Variants in CDH4 observed in about 807,000 individuals in gnomAD.
CDH4 encodes the protein cadherin-4.
CDH4 carries 33 observed loss-of-function variants against 86.0 expected under a neutral mutation model. The observed-to-expected ratio is 0.38, with a 90% CI of 0.29 to 0.51. The LOEUF (loss-of-function observed/expected upper bound fraction) is 0.51, where lower values mean the gene tolerates loss of function less well. CDH4 is among the 20% of genes least tolerant of loss of function. The probability of loss-of-function intolerance (pLI) is 0.86; values close to 1 mark genes in which losing one functional copy is unlikely to be tolerated. For synonymous variants in CDH4, 555 were observed against 549.4 expected (o/e 1.01, Z -0.14); for missense variants, 1,114 against 1,307.4 (o/e 0.85, Z 2.28).
chr20:61,842,312 C>A (rs1982213023), intron 4 of CDH4, among the ~76,000 whole-genome samples: 1 of 152,204 alleles, frequency 6.6e-6, no homozygotes, highest in African/African-American at 2.4e-5. Flanking sequence ...ACACGTGGGG[C>A]AGTTGCAGTG....
At chr20:61,925,133 T>C (rs1305934927) in intron 11 of CDH4, among the ~76,000 whole-genome samples, 1 of 152,088 alleles carries the variant, frequency 6.6e-6, no homozygotes, top group Non-Finnish European at 1.5e-5. Flanking sequence ...CTCAGGAGCC[T>C]GGACGGGAGG....
At chr20:61,864,424 C>T (rs796750487) in intron 6 of CDH4, among the ~76,000 whole-genome samples, 17 of 152,360 alleles carry the variant, frequency 1.1e-4, no homozygotes, top group African/African-American at 4.1e-4. Flanking sequence ...CCCTGTCCAT[C>T]GAACATCCTG....
intron 2 of CDH4, among the ~76,000 whole-genome samples, chr20:61,686,481 GTGTGTGTGCATTCGCGTGTGTGTATA>G (rs1293962612): frequency 1.4e-5 from 2 of 148,114 alleles, no homozygotes; most frequent in African/African-American, 2.6e-5. Context: ...GTATATGTGC[GTGTGTGTGCATTCGCGTGTGTGTATA>G]TGTGTGTGCA....
At chr20:61,270,184 C>T (rs1036729482) in intron 2 of CDH4, among the ~76,000 whole-genome samples, 8 of 152,164 alleles carry the variant, frequency 5.3e-5, no homozygotes, top group Non-Finnish European at 7.3e-5. Flanking sequence ...CGGCAGTGAA[C>T]GTAAGTTACC....
chr20:61,374,842 C>T, intron 2 of CDH4, among the ~76,000 whole-genome samples: 1 of 152,198 alleles, frequency 6.6e-6, no homozygotes, highest in East Asian at 1.9e-4. Flanking sequence ...ACAGTTGCGA[C>T]CTATTTCTTG....
intron 2 of CDH4, among the ~76,000 whole-genome samples, chr20:61,423,259 G>C (rs2085190160): frequency 1.3e-5 from 2 of 152,280 alleles, no homozygotes; most frequent in South Asian, 4.1e-4. Context: ...GAGGAGCTGT[G>C]GGCGGTACTG....
chr20:61,843,254 T>A (rs1421500881), intron 4 of CDH4, among the ~76,000 whole-genome samples: 1 of 150,970 alleles, frequency 6.6e-6, no homozygotes, highest in Non-Finnish European at 1.5e-5. Context: ...ATCGAGACCA[T>A]CCTGGCTAAC....
At chr20:61,852,688 CA>C in intron 5 of CDH4, 65 bp from the exon 6 acceptor site, 1 of 1,547,462 alleles carries the variant, frequency 6.5e-7, no homozygotes, top group South Asian at 1.2e-5. Flanking sequence ...CCGCGGGTCC[CA>C]GGCCGCTCTC....
At chr20:61,924,693 GTCAGTCATTCATTC>G (rs1394747843) in intron 11 of CDH4, among the ~76,000 whole-genome samples, 2 of 151,944 alleles carry the variant, frequency 1.3e-5, no homozygotes, top group African/African-American at 4.8e-5. Flanking sequence ...CCACTCCCAT[GTCAGTCATTCATTC>G]TGCCCCCTCC....
At chr20:61,633,017 C>T (rs2086909627) in intron 2 of CDH4, among the ~76,000 whole-genome samples, 1 of 151,072 alleles carries the variant, frequency 6.6e-6, no homozygotes, top group African/African-American at 2.4e-5. Context: ...CCTCCATCTA[C>T]CCTTCCATTC....
chr20:61,585,312 C>CCT (rs1385942755), intron 2 of CDH4, among the ~76,000 whole-genome samples: 1 of 152,222 alleles, frequency 6.6e-6, no homozygotes, highest in Non-Finnish European at 1.5e-5. Flanking sequence ...CCCTTCCCAC[C>CCT]CTCAGTCTTT....
rs887041124 is a variant in CDH4 at position 61,451,124 on chromosome 20, C to A, written c.169+196187C>A. On this transcript the variant is annotated intron_variant, in intron 2 of 15. Transcript: ENST00000614565. The stretch of plus-strand genomic sequence containing the variant: ...TGAGCTTTTTCCCTCCCTCTCACGC[C>A]CCCCCCCTTCCCTCCGTGTCATCCT... Among the ~76,000 whole-genome samples the A allele has an allele frequency of 1.1e-4, 10 of 90,522 alleles. No individual in the cohort carries two copies. The East Asian group carries it at 2.3e-3, about 21-fold the overall frequency. The allele number at this position is 90,522 out of a possible 152,430, so 59.4% of individuals were successfully genotyped here.
chr20:61,832,308 G>A (rs1981661032), intron 4 of CDH4, among the ~76,000 whole-genome samples: 1 of 152,220 alleles, frequency 6.6e-6, no homozygotes, highest in South Asian at 2.1e-4. Flanking sequence ...TCCCTGTGCT[G>A]CAGTTTCCTC....
chr20:61,686,751 GTA>G (rs1158714100), intron 2 of CDH4, among the ~76,000 whole-genome samples: 2 of 152,120 alleles, frequency 1.3e-5, no homozygotes, highest in African/African-American at 2.4e-5. Context: ...GTGCATATGT[GTA>G]TATGTGCGTG....
intron 2 of CDH4, among the ~76,000 whole-genome samples, chr20:61,705,017 C>A (rs1007704879): frequency 6.6e-6 from 1 of 152,174 alleles, no homozygotes; most frequent in African/African-American, 2.4e-5. Context: ...CCCAGGAACG[C>A]GTTGGGGCTC....
At chr20:61,450,715 C>T (rs2085374662) in intron 2 of CDH4, among the ~76,000 whole-genome samples, 1 of 151,854 alleles carries the variant, frequency 6.6e-6, no homozygotes, top group Non-Finnish European at 1.5e-5. Flanking sequence ...GGATCCACAG[C>T]TCCAGGATTC....
At chr20:61,610,110 G>T in intron 2 of CDH4, among the ~76,000 whole-genome samples, 1 of 152,030 alleles carries the variant, frequency 6.6e-6, no homozygotes, top group South Asian at 2.1e-4. Flanking sequence ...CTTGATGTTT[G>T]TACCCATGAA....
chr20:61,253,823 G>C (rs2084080692), intron 1 of CDH4, among the ~76,000 whole-genome samples: 1 of 152,066 alleles, frequency 6.6e-6, no homozygotes, highest in Admixed American at 6.5e-5. Context: ...GGCGGGCGAC[G>C]GCAGCGCGCG....
Position 61,645,270 on chromosome 20 carries a change from T to C in CDH4, c.170-98293T>C, listed in dbSNP as rs534324874. ...TCTAGAATTCCAGCTTTGCCCTGCA[T>C]GGCTGTGCTATGTTACCTAGGGCCT... On this transcript the variant is annotated intron_variant, in intron 2 of 15. Transcript: ENST00000614565. Among the ~76,000 whole-genome samples, 4 of 152,362 alleles carry C rather than the reference T, an allele frequency of 2.6e-5. No homozygotes were observed. The South Asian group carries it at 8.3e-4, about 32-fold the overall frequency.
Sources: allele counts gnomAD v4.1 joint callset (sites outside exome capture counted in the v4.1 genomes callset), GRCh38; gene constraint gnomAD v4.1.1; transcripts MANE v1.5; gene names NCBI Gene and HGNC (gene_info 2026-07-23, HGNC 2026-07-21).